GRB10: variants seen among roughly 807,000 people sequenced by gnomAD.
The protein encoded by GRB10 is growth factor receptor-bound protein 10.
In GRB10, 20 loss-of-function variants were observed where a neutral mutation model predicts 80.9. The ratio of observed to expected loss-of-function variants is 0.25; its 90% CI spans 0.17 to 0.36. The LOEUF is 0.36. Among genes scored for constraint, GRB10 ranks in the 10% least tolerant of loss-of-function variants. The pLI, the probability that GRB10 is intolerant of heterozygous loss-of-function variation, is 1.00. For missense variants in GRB10, 548 were observed against 747.7 expected (o/e 0.73, Z 3.12); for synonymous variants, 291 against 291.5 (o/e 1.00, Z 0.02).
intron 2 of GRB10, among the ~76,000 whole-genome samples, chr7:50,759,339 G>A (rs1013728833): frequency 2.6e-5 from 4 of 152,096 alleles, no homozygotes; most frequent in South Asian, 2.1e-4. Context: ...CCACAGAAGC[G>A]GGCAGCAGAT....
intron 8 of GRB10, 25 bp from the exon 9 acceptor site, chr7:50,619,310 G>A (rs771721569): frequency 2.2e-6 from 3 of 1,351,498 alleles, no homozygotes; most frequent in Non-Finnish European, 3.2e-6. Context: ...CATCACGTGT[G>A]AGACGCAACA....
chr7:50,715,701 A>G (rs2066745632), intron 4 of GRB10, among the ~76,000 whole-genome samples: 1 of 152,200 alleles, frequency 6.6e-6, no homozygotes, highest in African/African-American at 2.4e-5. Context: ...ACACTCCACA[A>G]AAATGTTCCA....
chr7:50,702,048 C>G (rs1056781360), intron 5 of GRB10, among the ~76,000 whole-genome samples: 1 of 152,150 alleles, frequency 6.6e-6, no homozygotes. Context: ...TTCCTGCCTC[C>G]CCCTCCCCAC....
intron 3 of GRB10, among the ~76,000 whole-genome samples, chr7:50,753,408 A>T (rs951383602): frequency 6.6e-6 from 1 of 152,192 alleles, no homozygotes; most frequent in African/African-American, 2.4e-5. Context: ...GGACAGTGCC[A>T]GGTACCAAAT....
intron 9 of GRB10, 93 bp from the exon 10 acceptor site, chr7:50,618,232 T>C: frequency 2.1e-6 from 2 of 937,672 alleles, no homozygotes; most frequent in Non-Finnish European, 3.4e-6. Flanking sequence ...AAACTATTCC[T>C]ACCAGTATAA....
chr7:50,625,629 G>A (rs1393550340), intron 8 of GRB10, among the ~76,000 whole-genome samples: 3 of 152,182 alleles, frequency 2.0e-5, no homozygotes, highest in African/African-American at 4.8e-5. Context: ...GATCCTGGCA[G>A]GAGAAAGCTG....
intron 2 of GRB10, among the ~76,000 whole-genome samples, chr7:50,759,375 C>T (rs1476537402): frequency 6.6e-6 from 1 of 152,092 alleles, no homozygotes; most frequent in African/African-American, 2.4e-5. Context: ...AACCATCCCA[C>T]CTCACTGCCA....
chr7:50,713,977 C>T (rs73122793), intron 4 of GRB10, among the ~76,000 whole-genome samples: 10,936 of 151,888 alleles, frequency 0.072, 624 homozygotes, highest in South Asian at 0.12. Flanking sequence ...ATCTCCAACA[C>T]CTCCATTGCT....
intron 2 of GRB10, among the ~76,000 whole-genome samples, chr7:50,757,099 C>G (rs2075190792): frequency 6.6e-6 from 1 of 152,166 alleles, no homozygotes; most frequent in African/African-American, 2.4e-5. Flanking sequence ...TATAAGAAGA[C>G]CAGTCAAATG....
At chr7:50,681,154 GA>G (rs1326188351) in intron 5 of GRB10, among the ~76,000 whole-genome samples, 2 of 152,232 alleles carry the variant, frequency 1.3e-5, no homozygotes, top group Non-Finnish European at 2.9e-5. Flanking sequence ...AAGCAACTAA[GA>G]AGCGACTGAG....
chr7:50,690,524 G>T (rs2062692145), intron 5 of GRB10, among the ~76,000 whole-genome samples: 3 of 152,122 alleles, frequency 2.0e-5, no homozygotes, highest in Admixed American at 1.3e-4. Flanking sequence ...TTCGAAAAAG[G>T]ATTTGCACTT....
At chr7:50,614,299 C>A (rs1487959352) in intron 12 of GRB10, among the ~76,000 whole-genome samples, 1 of 152,158 alleles carries the variant, frequency 6.6e-6, no homozygotes. Context: ...CGTGTGTGTG[C>A]ATGCCAGCAC....
intron 7 of GRB10, among the ~76,000 whole-genome samples, chr7:50,646,629 G>C (rs911773164): frequency 1.3e-5 from 2 of 152,196 alleles, no homozygotes; most frequent in Admixed American, 6.5e-5. Context: ...AATCCTGTTT[G>C]TAGTGCTAGA....
At chr7:50,709,457 G>A (rs1221799630) in intron 4 of GRB10, among the ~76,000 whole-genome samples, 2 of 152,178 alleles carry the variant, frequency 1.3e-5, no homozygotes, top group African/African-American at 4.8e-5. Flanking sequence ...GCCACGTTTT[G>A]GGGATTGCAC....
chr7:50,674,711 C>A, intron 5 of GRB10, 53 bp from the exon 6 acceptor site: 1 of 1,463,854 alleles, frequency 6.8e-7, no homozygotes, highest in South Asian at 1.1e-5. Flanking sequence ...GGAGAGCAAT[C>A]AAACCCAAAT....
At position 50,604,042 on chromosome 7, in the gene GRB10, C is replaced by T; in HGVS notation, c.1500G>A (p.Arg500=). ...GTTTAATGATCCTGTGGGATTCCTC[C>T]CTGGAGATCCTCCCGTGAAACCAGT... ...TQHWFHGRIS[R]EESHRIIKQQ... Residue 500 remains arginine (R), a synonymous_variant, in exon 17 of 19, where the codon AGG becomes AGA. Coordinates refer to ENST00000401949, the MANE Select transcript of GRB10 (RefSeq NM_001350814.2). 1 of 1,614,146 alleles carries T rather than the reference C, an allele frequency of 6.2e-7. No individual in the cohort carries two copies. Among genetic ancestry groups the T allele is most frequent in the South Asian group, 1.1e-5 (1 of 91,084 alleles).
intron 7 of GRB10, among the ~76,000 whole-genome samples, chr7:50,653,542 C>T (rs2237453): frequency 0.41 from 62,825 of 151,994 alleles, 13,085 homozygotes; most frequent in Admixed American, 0.45. Context: ...TACACACGTG[C>T]AGCTTAGGCT....
intron 3 of GRB10, among the ~76,000 whole-genome samples, chr7:50,747,130 T>C (rs1183111776): frequency 1.3e-5 from 2 of 152,166 alleles, no homozygotes; most frequent in Non-Finnish European, 2.9e-5. Flanking sequence ...ATTTGAATCA[T>C]TAGGAGTTTC....
chr7:50,738,464 G>A (rs1421484742), intron 3 of GRB10, among the ~76,000 whole-genome samples: 7 of 152,138 alleles, frequency 4.6e-5, no homozygotes, highest in Admixed American at 4.6e-4. Flanking sequence ...TAAGGGACAC[G>A]GTCTCCCTCT....
Sources: allele counts gnomAD v4.1 joint callset (sites outside exome capture counted in the v4.1 genomes callset), GRCh38; gene constraint gnomAD v4.1.1; transcripts MANE v1.5; gene names NCBI Gene and HGNC (gene_info 2026-07-23, HGNC 2026-07-21).